PCDH9: variants seen among roughly 807,000 people sequenced by gnomAD.
The protein encoded by PCDH9 is protocadherin-9.
Under a neutral mutation model 70.6 loss-of-function variants are expected in PCDH9, and 24 were observed. The observed-to-expected ratio is 0.34, with a 90% CI of 0.25 to 0.48. The LOEUF (loss-of-function observed/expected upper bound fraction) is 0.48. PCDH9 is among the 20% of genes least tolerant of loss of function. The pLI, the probability that PCDH9 is intolerant of heterozygous loss-of-function variation, is 0.99. For synonymous variants in PCDH9, 562 were observed against 558.5 expected, an observed-to-expected ratio of 1.01 and a Z score of -0.09; for missense variants, 1,281 against 1,503.6, an observed-to-expected ratio of 0.85 and a Z score of 2.45.
chr13:66,994,842 C>G (rs1249627100), intron 2 of PCDH9, among the ~76,000 whole-genome samples: 1 of 152,160 alleles, frequency 6.6e-6, no homozygotes, highest in East Asian at 1.9e-4. Context: ...CCACATAGGA[C>G]CTGGCTATAT....
chr13:66,485,761 G>T, intron 4 of PCDH9, among the ~76,000 whole-genome samples: 1 of 148,770 alleles, frequency 6.7e-6, no homozygotes, highest in African/African-American at 2.5e-5. Flanking sequence ...TTTTTTTTGA[G>T]ACTGAGTTTC....
chr13:66,381,131 C>G (rs902478028), intron 4 of PCDH9, among the ~76,000 whole-genome samples: 26 of 152,200 alleles, frequency 1.7e-4, no homozygotes, highest in Non-Finnish European at 3.8e-4. Context: ...ACTTCTCCCT[C>G]TGAGACCATC....
intron 3 of PCDH9, among the ~76,000 whole-genome samples, chr13:66,736,289 A>G (rs1164482552): frequency 6.6e-6 from 1 of 152,150 alleles, no homozygotes; most frequent in African/African-American, 2.4e-5. Flanking sequence ...AGTTAGGATG[A>G]TGCTATAAGG....
chr13:67,159,117 G>T (rs1041991994), intron 2 of PCDH9, among the ~76,000 whole-genome samples: 1 of 152,084 alleles, frequency 6.6e-6, no homozygotes, highest in Non-Finnish European at 1.5e-5. Context: ...AAAATTAGAC[G>T]ATTTCTTTGA....
intron 4 of PCDH9, among the ~76,000 whole-genome samples, chr13:66,594,161 T>C (rs1023393287): frequency 1.3e-5 from 2 of 151,718 alleles, no homozygotes. Context: ...GACTAAGAAA[T>C]GTGTTATATG....
At chr13:67,164,935 G>A (rs903342019) in intron 2 of PCDH9, among the ~76,000 whole-genome samples, 10 of 152,028 alleles carry the variant, frequency 6.6e-5, no homozygotes, top group African/African-American at 1.2e-4. Context: ...GATCTTCCAC[G>A]TTAATTCATT....
At chr13:67,080,212 A>G (rs1267662290) in intron 2 of PCDH9, among the ~76,000 whole-genome samples, 1 of 152,156 alleles carries the variant, frequency 6.6e-6, no homozygotes, top group Non-Finnish European at 1.5e-5. Flanking sequence ...CTATTATCAA[A>G]TGTATTTTCA....
chr13:67,095,573 T>C (rs1014456406), intron 2 of PCDH9, among the ~76,000 whole-genome samples: 2 of 152,172 alleles, frequency 1.3e-5, no homozygotes, highest in African/African-American at 4.8e-5. Flanking sequence ...GAATTACAAC[T>C]TACTAAATTC....
chr13:66,853,157 GGTTATAAAAAAA>G, intron 3 of PCDH9, among the ~76,000 whole-genome samples: 1 of 150,018 alleles, frequency 6.7e-6, no homozygotes, highest in East Asian at 2.0e-4. Context: ...AACAAATGGT[GGTTATAAAAAAA>G]GTTAGTTTAC....
At chr13:67,156,613 C>T (rs1159437265) in intron 2 of PCDH9, among the ~76,000 whole-genome samples, 1 of 152,152 alleles carries the variant, frequency 6.6e-6, no homozygotes, top group Non-Finnish European at 1.5e-5. Context: ...AAAGCTTGCA[C>T]TCATTCTCCA....
At chr13:66,936,117 G>A (rs1029217838) in intron 2 of PCDH9, among the ~76,000 whole-genome samples, 4 of 151,900 alleles carry the variant, frequency 2.6e-5, no homozygotes, top group Non-Finnish European at 5.9e-5. Flanking sequence ...AATATATTTC[G>A]CAAAATTAAA....
intron 2 of PCDH9, among the ~76,000 whole-genome samples, chr13:67,120,227 T>C (rs1024041172): frequency 8.1e-5 from 8 of 98,462 alleles, no homozygotes; most frequent in African/African-American, 2.2e-4. Context: ...AGGGTCTGAA[T>C]TGATATCCTG....
chr13:66,703,920 A>T (rs1047375529), intron 3 of PCDH9, among the ~76,000 whole-genome samples: 3 of 151,946 alleles, frequency 2.0e-5, no homozygotes, highest in African/African-American at 7.2e-5. Context: ...TTAAAAAAAA[A>T]TAGGAAAACA....
At chr13:66,920,079 C>G (rs1258382993) in intron 2 of PCDH9, among the ~76,000 whole-genome samples, 1 of 150,920 alleles carries the variant, frequency 6.6e-6, no homozygotes. Flanking sequence ...AGAATAAGCA[C>G]TGGCATACTA....
intron 3 of PCDH9, among the ~76,000 whole-genome samples, chr13:66,846,225 T>C (rs1033804958): frequency 6.7e-6 from 1 of 149,756 alleles, no homozygotes; most frequent in South Asian, 2.1e-4. Flanking sequence ...ATTTAGAAAA[T>C]GATTTGTAAA....
intron 2 of PCDH9, among the ~76,000 whole-genome samples, chr13:66,907,285 A>G (rs1050522978): frequency 2.6e-5 from 4 of 152,236 alleles, no homozygotes; most frequent in African/African-American, 4.8e-5. Context: ...AATATAAATA[A>G]CTGCGTATTG....
At chr13:66,619,048 T>G (rs1401795542) in intron 4 of PCDH9, among the ~76,000 whole-genome samples, 1 of 152,180 alleles carries the variant, frequency 6.6e-6, no homozygotes, top group Non-Finnish European at 1.5e-5. Flanking sequence ...AGATAATTCT[T>G]TTTTTAGAAA....
chr13:67,122,382 T>A (rs781511753), intron 2 of PCDH9, among the ~76,000 whole-genome samples: 2 of 152,118 alleles, frequency 1.3e-5, no homozygotes, highest in Admixed American at 6.6e-5. Context: ...TTTTTTGGCA[T>A]GTTATACATA....
In PCDH9 at chr13:66,665,758, T is replaced by C. The variant is rs373311822; in HGVS notation, c.3139-34347A>G. On this transcript the variant is annotated intron_variant, in intron 3 of 4. Transcript: ENST00000377865. ...TCAATGTAATTTTTAAATTTAATTA[T>C]TGAGTTTTTTTTAGACTAATATTTT... Among the ~76,000 whole-genome samples, 122 of 152,266 alleles carry C rather than the reference T, an allele frequency of 8.0e-4. 4 individuals carry two copies. In the South Asian group the frequency reaches 0.024, roughly 30 times the overall value.
Sources: gnomAD v4.1 joint callset for allele counts (sites outside exome capture counted in the v4.1 genomes callset) on GRCh38, gnomAD v4.1.1 for gene constraint, MANE v1.5 for transcripts, NCBI Gene and HGNC (gene_info 2026-07-23, HGNC 2026-07-21) for gene names.